SDR16C5: variants seen among roughly 807,000 people sequenced by gnomAD.
The protein encoded by SDR16C5 is short chain dehydrogenase/reductase family 16C member 5, also known as epidermal retinol dehydrogenase 2.
A neutral mutation model predicts 27.7 loss-of-function variants in SDR16C5; 20 were observed. The ratio of observed to expected loss-of-function variants is 0.72; its 90% CI spans 0.51 to 1.05. SDR16C5 has a LOEUF of 1.05. Among genes scored for constraint, SDR16C5 ranks in the 50% least tolerant of loss-of-function variants. The pLI is 0.00. For missense variants in SDR16C5, 374 were observed against 366.3 expected, an observed-to-expected ratio of 1.02 and a Z score of -0.17; for synonymous variants, 139 against 132.3, an observed-to-expected ratio of 1.05 and a Z score of -0.35.
At position 56,315,744 on chromosome 8, in the gene SDR16C5, T is replaced by C. The variant is rs1397354518; in HGVS notation, c.333+271A>G. The stretch of plus-strand genomic sequence containing the variant: ...CTTGCTGTTTACTAACTGTGTTTCT[T>C]AGGGCAGCTACATACCTGCCCTAAG... On this transcript the variant is annotated intron_variant, in intron 2 of 6. Transcript: ENST00000303749. Among the ~76,000 whole-genome samples the C allele has an allele frequency of 2.0e-5, 3 of 152,296 alleles. No individual in the cohort carries two copies. In the East Asian group the frequency reaches 5.8e-4, roughly 29 times the overall value.
intron 2 of SDR16C5, among the ~76,000 whole-genome samples, chr8:56,313,935 G>A (rs1429045689): frequency 4.6e-5 from 7 of 152,154 alleles, no homozygotes; most frequent in East Asian, 1.9e-4. Context: ...TTGGCCGGGC[G>A]CGGTAGCTCA....
At chr8:56,302,086 C>T (rs1402209525) in intron 6 of SDR16C5, among the ~76,000 whole-genome samples, 1 of 152,218 alleles carries the variant, frequency 6.6e-6, no homozygotes, top group East Asian at 1.9e-4. Flanking sequence ...CCATCTTCTC[C>T]ATCCACACCT....
chr8:56,309,366 C>T (rs960715972), intron 3 of SDR16C5: 5 of 985,156 alleles, frequency 5.1e-6, no homozygotes, highest in South Asian at 4.7e-5. Flanking sequence ...AAACATGATG[C>T]TTTAGATTTA....
chr8:56,303,351 A>G (rs1393298858), intron 6 of SDR16C5, among the ~76,000 whole-genome samples: 4 of 151,704 alleles, frequency 2.6e-5, no homozygotes, highest in Non-Finnish European at 4.4e-5. Flanking sequence ...GTAAAACTCA[A>G]CTTGCACCCA....
chr8:56,318,165 G>A (rs1311936894), intron 1 of SDR16C5, among the ~76,000 whole-genome samples: 2 of 152,184 alleles, frequency 1.3e-5, no homozygotes, highest in Non-Finnish European at 2.9e-5. Context: ...GGACAAAATA[G>A]TTTGTTTTAA....
Position 56,320,121 on chromosome 8 carries a change from C to T in SDR16C5, c.-77G>A, listed in dbSNP as rs1353642445. On this transcript the variant is annotated 5_prime_UTR_variant, in exon 1 of 7. Coordinates refer to ENST00000303749, the MANE Select transcript of SDR16C5 (RefSeq NM_138969.4). The stretch of plus-strand genomic sequence containing the variant: ...CCTCGTCTGCCCCAGGCACCCGAGT[C>T]CCTGGCTCGGAGCTCAGTCAGGTTC... 6.6e-6 allele frequency: 1 copy of T among 152,288 alleles called. No homozygotes were observed. Among genetic ancestry groups the T allele is most frequent in the African/African-American group, 2.4e-5 (1 of 41,462 alleles). The allele number at this position is 152,288 out of a possible 1,614,324, so 9.4% of individuals were successfully genotyped here. A position where few individuals can be genotyped will look rare whatever the true frequency, so the allele number is the denominator to read the frequency against.
At chr8:56,307,745 GATT>G (rs1451494213) in intron 4 of SDR16C5, among the ~76,000 whole-genome samples, 1 of 152,180 alleles carries the variant, frequency 6.6e-6, no homozygotes, top group Non-Finnish European at 1.5e-5. Context: ...TGACCCCTGA[GATT>G]CTGATGAGCA....
At chr8:56,319,029 G>A (rs1815264996) in intron 1 of SDR16C5, among the ~76,000 whole-genome samples, 1 of 151,556 alleles carries the variant, frequency 6.6e-6, no homozygotes, top group Non-Finnish European at 1.5e-5. Flanking sequence ...TTACCACACA[G>A]AGGAGCTGTG....
intron 2 of SDR16C5, among the ~76,000 whole-genome samples, chr8:56,315,619 C>G (rs1332997220): frequency 2.0e-5 from 3 of 152,130 alleles, no homozygotes; most frequent in East Asian, 3.9e-4. Flanking sequence ...GCCTCTATCC[C>G]TCCATTAACT....
chr8:56,310,445 C>T (rs562307960), intron 3 of SDR16C5, among the ~76,000 whole-genome samples: 2 of 151,956 alleles, frequency 1.3e-5, no homozygotes, highest in Admixed American at 1.3e-4. Flanking sequence ...CCAGGCCAAG[C>T]GCAGTGGCTC....
rs1379675982 is a variant in SDR16C5, at chr8:56,301,353, T to C, written c.*127A>G. On this transcript the variant is annotated 3_prime_UTR_variant, in exon 7 of 7. Coordinates refer to ENST00000303749, the MANE Select transcript of SDR16C5 (RefSeq NM_138969.4). Reference sequence around the variant, plus strand: ...CATTGATTGAAAATTCTAGTCCAGATAACAGAATAGGAGTGGTACTTGTGG... The same window carrying C: ...CATTGATTGAAAATTCTAGTCCAGACAACAGAATAGGAGTGGTACTTGTGG... The C allele has an allele frequency of 6.4e-5, 38 of 594,666 alleles. No homozygotes were observed. The highest frequency in any genetic ancestry group is 1.1e-4 in the Non-Finnish European group (35 of 328,822). The allele number at this position is 594,666 out of a possible 1,614,324, so 36.8% of individuals were successfully genotyped here. A position where few individuals can be genotyped will look rare whatever the true frequency, so the allele number is the denominator to read the frequency against.
At chr8:56,317,184 A>C (rs1247373373) in intron 1 of SDR16C5, among the ~76,000 whole-genome samples, 23 of 152,146 alleles carry the variant, frequency 1.5e-4, no homozygotes, top group Admixed American at 1.5e-3. Context: ...TTTGCAGATG[A>C]AATGAGAATG....
chr8:56,310,197 A>AGGG (rs1814998611), intron 3 of SDR16C5, among the ~76,000 whole-genome samples: 1 of 13,798 alleles, frequency 7.2e-5, no homozygotes, highest in Non-Finnish European at 1.2e-4. Flanking sequence ...GAGGAGGAGG[A>AGGG]AGGAGGAGGA....
chr8:56,305,358 C>T (rs1326394500), intron 6 of SDR16C5, among the ~76,000 whole-genome samples: 2 of 152,176 alleles, frequency 1.3e-5, no homozygotes, highest in African/African-American at 4.8e-5. Context: ...CAGAATAATT[C>T]GATACTAAGG....
At chr8:56,312,639 A>G (rs1185301906) in intron 2 of SDR16C5, among the ~76,000 whole-genome samples, 1 of 151,938 alleles carries the variant, frequency 6.6e-6, no homozygotes, top group Non-Finnish European at 1.5e-5. Flanking sequence ...AGGGAGGTGG[A>G]GGTTGTAGTG....
chr8:56,319,124 GA>G (rs11372550), intron 1 of SDR16C5, among the ~76,000 whole-genome samples: 60 of 134,854 alleles, frequency 4.4e-4, no homozygotes, highest in African/African-American at 1.2e-3. Context: ...GAACAAATTA[GA>G]AAAAAAAAAA....
rs374816015 is a variant in SDR16C5, at chr8:56,306,816, G to A, written c.570C>T (p.Tyr190=). The A allele has an allele frequency of 3.1e-6, 5 of 1,609,172 alleles. 1 individual carries two copies. In the South Asian group the frequency reaches 3.3e-5, roughly 11 times the overall value. The stretch of plus-strand genomic sequence containing the variant: ...CAAAGGCTGCAAATTTACTTGCACA[G>A]TAATCTGAAAAAGACAAAGCATGAT... ...GLSGVNGLAD[Y]CASKFAAFGF... is the part of the protein sequence containing the mutation. Residue 190 remains tyrosine (Y), a synonymous_variant, in exon 5 of 7, where the codon TAC becomes TAT. Coordinates refer to ENST00000303749, the MANE Select transcript of SDR16C5 (RefSeq NM_138969.4).
In SDR16C5 at chr8:56,305,638, C is replaced by G; in HGVS notation, c.795G>C (p.Leu265Phe). Residue 265 changes from leucine (L) to phenylalanine (F), a missense_variant, in exon 6 of 7, where the codon TTG becomes TTC. Transcript: ENST00000303749. ...TGAAGTATAACAACTTTGGCATATA[C>G]AAGTACATTTTTTCTTGTAGAATAG... The part of the protein sequence containing the change: ...VEAILQEKMY[L>F]YMPKLLYFMM... 1 of 1,597,062 alleles carries G rather than the reference C, an allele frequency of 6.3e-7. No individual in the cohort carries two copies. Among genetic ancestry groups the G allele is most frequent in the Non-Finnish European group, 8.5e-7 (1 of 1,175,276 alleles).
chr8:56,306,359 C>G (rs1169774178), intron 5 of SDR16C5, among the ~76,000 whole-genome samples: 1 of 152,120 alleles, frequency 6.6e-6, no homozygotes, highest in Non-Finnish European at 1.5e-5. Context: ...CCAGTTATTT[C>G]TAGTCCTCCT....
Sources: gnomAD v4.1 joint callset for allele counts (sites outside exome capture counted in the v4.1 genomes callset) on GRCh38, gnomAD v4.1.1 for gene constraint, MANE v1.5 for transcripts, NCBI Gene and HGNC (gene_info 2026-07-23, HGNC 2026-07-21) for gene names.